The following DRC2 variants were observed in gnomAD, a reference collection of about 807,000 sequenced individuals.
DRC2 encodes dynein regulatory complex subunit 2.
At chr12:48,913,435 C>T in the DRC2 span, among the ~76,000 whole-genome samples, 153 of 151,708 alleles carry the variant, frequency 1.0e-3, 1 homozygote, top group African/African-American at 3.5e-3. Context: ...TCCTGAGTAG[C>T]GGGGATTATA....
chr12:48,909,104 C>T, the DRC2 span, among the ~76,000 whole-genome samples: 8 of 127,360 alleles, frequency 6.3e-5, no homozygotes, highest in African/African-American at 2.1e-4. Context: ...AGTGAAATGG[C>T]GCAATCTCGG....
At chr12:48,908,604 A>ATTATTATTATTTAT in the DRC2 span, among the ~76,000 whole-genome samples, 30 of 110,910 alleles carry the variant, frequency 2.7e-4, no homozygotes, top group East Asian at 6.2e-4. Flanking sequence ...TATTATTATT[A>ATTATTATTATTTAT]TTATTTATTT....
chr12:48,909,914 G>A, the DRC2 span, among the ~76,000 whole-genome samples: 1 of 151,892 alleles, frequency 6.6e-6, no homozygotes, highest in South Asian at 2.1e-4. Flanking sequence ...CTGCATAGCT[G>A]GGACTACAGG....
At chr12:48,904,665 G>T in the DRC2 span, among the ~76,000 whole-genome samples, 1 of 152,184 alleles carries the variant, frequency 6.6e-6, no homozygotes, top group South Asian at 2.1e-4. Flanking sequence ...CGTGGTATAC[G>T]GCTTGGCAAT....
the DRC2 span, chr12:48,914,489 C>T: frequency 3.7e-6 from 6 of 1,614,164 alleles, no homozygotes; most frequent in South Asian, 5.5e-5. Flanking sequence ...CAGCTCTTGG[C>T]CCTGCAGAGG....
chr12:48,917,603 G>T, the DRC2 span, among the ~76,000 whole-genome samples: 1 of 152,164 alleles, frequency 6.6e-6, no homozygotes, highest in Non-Finnish European at 1.5e-5. Context: ...TGTGAAAATT[G>T]GTTGGGAGGG....
chr12:48,912,380 A>G, the DRC2 span, among the ~76,000 whole-genome samples: 27 of 143,062 alleles, frequency 1.9e-4, no homozygotes, highest in South Asian at 6.0e-3. Context: ...CAGTGAGCCA[A>G]GATCGCGCCA....
At chr12:48,909,147 G>A in the DRC2 span, among the ~76,000 whole-genome samples, 5 of 148,334 alleles carry the variant, frequency 3.4e-5, no homozygotes, top group Non-Finnish European at 5.9e-5. Flanking sequence ...GGGTTCAAGC[G>A]ATTCTTCTGC....
At chr12:48,909,708 C>T in the DRC2 span, among the ~76,000 whole-genome samples, 30 of 151,574 alleles carry the variant, frequency 2.0e-4, no homozygotes, top group African/African-American at 7.3e-4. Context: ...AACTCCTGAC[C>T]TCAAGTGATC....
the DRC2 span, chr12:48,921,545 G>A: frequency 6.7e-7 from 1 of 1,487,256 alleles, no homozygotes; most frequent in African/African-American, 1.4e-5. Flanking sequence ...GAAATGTAGG[G>A]ATGTTGCTAT....
chr12:48,907,626 T>G, the DRC2 span, among the ~76,000 whole-genome samples: 1 of 152,242 alleles, frequency 6.6e-6, no homozygotes, highest in Non-Finnish European at 1.5e-5. Flanking sequence ...GCATCTGATT[T>G]CTACCCTTCT....
the DRC2 span, chr12:48,914,501 A>G: frequency 0.37 from 597,931 of 1,613,544 alleles, 115,383 homozygotes; most frequent in Admixed American, 0.52. Flanking sequence ...CTGCAGAGGC[A>G]CCGGCTCAGT....
the DRC2 span, among the ~76,000 whole-genome samples, chr12:48,908,224 T>A: frequency 1.3e-5 from 2 of 152,152 alleles, no homozygotes; most frequent in East Asian, 3.8e-4. Flanking sequence ...AACAAATTTT[T>A]AAATTTTTTA....
At chr12:48,920,042 C>A in the DRC2 span, among the ~76,000 whole-genome samples, 4 of 137,182 alleles carry the variant, frequency 2.9e-5, no homozygotes, top group African/African-American at 8.2e-5. Flanking sequence ...GAGCCTGGGA[C>A]ATCGCGGCTG....
chr12:48,918,685 G>A, the DRC2 span: 6 of 1,612,872 alleles, frequency 3.7e-6, no homozygotes, highest in South Asian at 6.6e-5. Flanking sequence ...GTTCCTCTAG[G>A]ATGCCATAAC....
the DRC2 span, chr12:48,921,350 C>A: frequency 3.7e-6 from 6 of 1,614,044 alleles, no homozygotes; most frequent in Non-Finnish European, 5.1e-6. Context: ...GCCAGCTCAA[C>A]CCACTCTTTA....
At chr12:48,912,535 G>T in the DRC2 span, among the ~76,000 whole-genome samples, 2 of 151,280 alleles carry the variant, frequency 1.3e-5, no homozygotes, top group Non-Finnish European at 2.9e-5. Flanking sequence ...AGCATTCTAA[G>T]GGGCGGGAAG....
At chr12:48,912,811 T>C in the DRC2 span, among the ~76,000 whole-genome samples, 1 of 152,108 alleles carries the variant, frequency 6.6e-6, no homozygotes, top group Admixed American at 6.6e-5. Context: ...CTTTTGGTCT[T>C]TTATAGTTTC....
chr12:48,921,228 G>C, the DRC2 span: 4 of 1,614,180 alleles, frequency 2.5e-6, no homozygotes, highest in Non-Finnish European at 3.4e-6. Flanking sequence ...AGTGAAACTG[G>C]AGCAACTGAG....
Sources: gnomAD v4.1 joint callset for allele counts (sites outside exome capture counted in the v4.1 genomes callset) on GRCh38, gnomAD v4.1.1 for gene constraint, MANE v1.5 for transcripts, NCBI Gene and HGNC (gene_info 2026-07-23, HGNC 2026-07-21) for gene names.